The following OTOGL variants were observed in gnomAD, a reference collection of about 807,000 sequenced individuals.
OTOGL encodes the protein otogelin-like protein.
OTOGL carries 285 observed loss-of-function variants against 318.5 expected under a neutral mutation model. The ratio of observed to expected loss-of-function variants is 0.89; its 90% CI spans 0.81 to 0.99. OTOGL has a LOEUF of 0.99. Among genes scored for constraint, OTOGL ranks in the 50% least tolerant of loss-of-function variants. The probability of loss-of-function intolerance (pLI) is 0.00; values close to 1 mark genes in which losing one functional copy is unlikely to be tolerated. For missense variants in OTOGL, 2,899 were observed against 2,845.6 expected (o/e 1.02, Z -0.43); for synonymous variants, 987 against 936.5 (o/e 1.05, Z -0.99).
At chr12:80,249,523 C>T (rs1477111385) in intron 11 of OTOGL, among the ~76,000 whole-genome samples, 1 of 151,808 alleles carries the variant, frequency 6.6e-6, no homozygotes, top group African/African-American at 2.4e-5. Flanking sequence ...TCTGCCTGTT[C>T]TCAGATCTCC....
At chr12:80,293,230 A>G (rs867842517) in intron 26 of OTOGL, among the ~76,000 whole-genome samples, 2 of 152,318 alleles carry the variant, frequency 1.3e-5, no homozygotes, top group Middle Eastern at 6.8e-3. Context: ...AAAGGTAAAT[A>G]AAAATCTTTT....
At chr12:80,269,141 T>C (rs919080459) in intron 22 of OTOGL, among the ~76,000 whole-genome samples, 1 of 152,100 alleles carries the variant, frequency 6.6e-6, no homozygotes, top group African/African-American at 2.4e-5. Context: ...AGTGTTATTC[T>C]AGTGTTCAAC....
intron 1 of OTOGL, among the ~76,000 whole-genome samples, chr12:80,122,893 TTTTTTTA>T (rs960091050): frequency 1.4e-4 from 16 of 113,270 alleles, no homozygotes; most frequent in African/African-American, 4.0e-4. Flanking sequence ...TTTATTTTTA[TTTTTTTA>T]TTTTTATTTT....
intron 1 of OTOGL, among the ~76,000 whole-genome samples, chr12:80,115,203 G>A (rs1487879018): frequency 1.3e-5 from 2 of 151,910 alleles, no homozygotes; most frequent in African/African-American, 4.8e-5. Flanking sequence ...CAGCCTTTTT[G>A]CCCTGGTTTT....
chr12:80,352,399 T>C lies in OTOGL; in HGVS notation c.5370T>C (p.Phe1790=). ...CATATGTGGCTCTGTGCAACAAGTT[T>C]GATATCTGTATTCAGTGGAGAACAC... ...LSAYVALCNK[F]DICIQWRTPD... Residue 1790 remains phenylalanine, a synonymous_variant, in exon 45 of 59, where the codon TTT becomes TTC. Coordinates refer to ENST00000547103, the MANE Select transcript of OTOGL (RefSeq NM_001378609.3). 1 of 1,612,194 alleles carries C rather than the reference T, an allele frequency of 6.2e-7. No homozygotes were observed. The highest frequency in any genetic ancestry group is 8.5e-7 in the Non-Finnish European group (1 of 1,178,876).
At chr12:80,231,138 A>G (rs1165416883) in intron 8 of OTOGL, among the ~76,000 whole-genome samples, 1 of 152,186 alleles carries the variant, frequency 6.6e-6, no homozygotes. Flanking sequence ...TTAGCTTTCC[A>G]TTACTCTGAA....
intron 1 of OTOGL, among the ~76,000 whole-genome samples, chr12:80,175,709 G>T (rs1874483173): frequency 6.6e-6 from 1 of 152,130 alleles, no homozygotes; most frequent in East Asian, 1.9e-4. Context: ...CTTCAGGTGT[G>T]GTTCTTGTCT....
intron 7 of OTOGL, among the ~76,000 whole-genome samples, chr12:80,228,665 A>G (rs1420762314): frequency 6.6e-5 from 10 of 152,092 alleles, no homozygotes; most frequent in Admixed American, 6.6e-4. Context: ...GGTATAGGGT[A>G]AAATAATCTA....
intron 1 of OTOGL, among the ~76,000 whole-genome samples, chr12:80,123,454 T>C (rs1260055572): frequency 6.6e-6 from 1 of 152,202 alleles, no homozygotes; most frequent in Non-Finnish European, 1.5e-5. Flanking sequence ...TTGGGTTGGT[T>C]CCAAGTCTTT....
At chr12:80,121,110 C>CA (rs1870463376) in intron 1 of OTOGL, among the ~76,000 whole-genome samples, 1 of 152,092 alleles carries the variant, frequency 6.6e-6, no homozygotes, top group South Asian at 2.1e-4. Flanking sequence ...AGGGCTGAGG[C>CA]CTCTGTTACA....
At chr12:80,369,629 A>G (rs944350390) in intron 55 of OTOGL, among the ~76,000 whole-genome samples, 2 of 152,070 alleles carry the variant, frequency 1.3e-5, no homozygotes, top group African/African-American at 4.8e-5. Context: ...GTCCAGCAGC[A>G]CGAAAAGTAA....
chr12:80,182,174 G>T (rs982008575), intron 1 of OTOGL, among the ~76,000 whole-genome samples: 4 of 152,004 alleles, frequency 2.6e-5, no homozygotes, highest in Non-Finnish European at 4.4e-5. Flanking sequence ...TAAAAAGGGG[G>T]TAAAAAAATT....
intron 1 of OTOGL, among the ~76,000 whole-genome samples, chr12:80,163,623 G>T (rs1246374976): frequency 2.0e-5 from 3 of 152,120 alleles, no homozygotes; most frequent in Admixed American, 6.6e-5. Context: ...GCTGGGCTCA[G>T]CTGGGTGACT....
At chr12:80,221,760 A>T (rs569234489) in intron 6 of OTOGL, among the ~76,000 whole-genome samples, 3 of 152,250 alleles carry the variant, frequency 2.0e-5, no homozygotes, top group Admixed American at 6.5e-5. Context: ...CTTTTTTCTG[A>T]GCCATCTTAC....
At chr12:80,183,171 C>T (rs145753251) in intron 1 of OTOGL, among the ~76,000 whole-genome samples, 132 of 152,204 alleles carry the variant, frequency 8.7e-4, no homozygotes, top group African/African-American at 3.0e-3. Context: ...ACATGTATCA[C>T]TGAACTGTGG....
In OTOGL at chr12:80,254,926, T is replaced by C. The variant is rs536469918; in HGVS notation, c.1442-114T>C. The C allele has an allele frequency of 1.3e-5, 12 of 901,892 alleles. No homozygotes were observed. In the Admixed American group the frequency reaches 4.4e-4, roughly 33 times the overall value. The allele number at this position is 901,892 out of a possible 1,614,324, so 55.9% of individuals were successfully genotyped here. A position where few individuals can be genotyped will look rare whatever the true frequency, so the allele number is the denominator to read the frequency against. On this transcript the variant is annotated intron_variant, in intron 15 of 58. Coordinates refer to ENST00000547103, the MANE Select transcript of OTOGL (RefSeq NM_001378609.3). Reference sequence around the variant, plus strand: ...TTCAAAGTTTTGATGCATGATTATTTACCCTAAGTTGATCTGCTTTTAAAG... The same window carrying C: ...TTCAAAGTTTTGATGCATGATTATTCACCCTAAGTTGATCTGCTTTTAAAG...
intron 1 of OTOGL, among the ~76,000 whole-genome samples, chr12:80,121,452 A>G (rs755406328): frequency 3.3e-5 from 5 of 152,170 alleles, no homozygotes; most frequent in Non-Finnish European, 7.4e-5. Context: ...AAGTATCTGC[A>G]ACAACTTCCT....
At chr12:80,347,473 A>T (rs1566003034) in intron 44 of OTOGL, among the ~76,000 whole-genome samples, 1 of 152,110 alleles carries the variant, frequency 6.6e-6, no homozygotes, top group Non-Finnish European at 1.5e-5. Flanking sequence ...ACATGAATTC[A>T]TCCTTTTTTA....
chr12:80,105,473 A>G (rs1869401960), intron 1 of OTOGL, among the ~76,000 whole-genome samples: 1 of 152,226 alleles, frequency 6.6e-6, no homozygotes, highest in Non-Finnish European at 1.5e-5. Flanking sequence ...AATTTAGAAG[A>G]TGTTATTTCA....
Sources: allele counts gnomAD v4.1 joint callset (sites outside exome capture counted in the v4.1 genomes callset), GRCh38; gene constraint gnomAD v4.1.1; transcripts MANE v1.5; gene names NCBI Gene and HGNC (gene_info 2026-07-23, HGNC 2026-07-21).